Variants in FOXP2 observed in about 807,000 individuals in gnomAD.
FOXP2 encodes the protein forkhead box P2, also known as forkhead box protein P2.
In FOXP2, 12 loss-of-function variants were observed where a neutral mutation model predicts 115.8. The ratio of observed to expected loss-of-function variants is 0.10; its 90% CI spans 0.07 to 0.17. The LOEUF (loss-of-function observed/expected upper bound fraction) is 0.17. FOXP2 is among the 10% of genes least tolerant of loss of function. FOXP2 has a pLI of 1.00. For synonymous variants in FOXP2, 328 were observed against 297.7 expected (o/e 1.10, Z -1.05); for missense variants, 629 against 843.5 (o/e 0.75, Z 3.15).
chr7:114,094,744 C>T (rs938722841), intron 1 of FOXP2, among the ~76,000 whole-genome samples: 24 of 152,148 alleles, frequency 1.6e-4, no homozygotes, highest in Admixed American at 1.4e-3. Flanking sequence ...TCATGGTAAC[C>T]TCGCCCTCCT....
intron 1 of FOXP2, among the ~76,000 whole-genome samples, chr7:114,249,990 T>A (rs1443293281): frequency 2.3e-5 from 3 of 130,504 alleles, no homozygotes; most frequent in Admixed American, 8.4e-5. Flanking sequence ...GATGTTCCCC[T>A]TCCTGTGTCC....
chr7:114,519,307 C>A (rs1324653460), intron 2 of FOXP2, among the ~76,000 whole-genome samples: 2 of 152,094 alleles, frequency 1.3e-5, no homozygotes, highest in Non-Finnish European at 2.9e-5. Flanking sequence ...ACAGGAAGGT[C>A]CTGAGTGTGT....
At chr7:114,294,841 A>AAAATAAATAAATAAAT (rs201482409) in intron 2 of FOXP2, among the ~76,000 whole-genome samples, 11 of 139,942 alleles carry the variant, frequency 7.9e-5, no homozygotes, top group East Asian at 2.2e-4. Flanking sequence ...ACACTGCCTC[A>AAAATAAATAAATAAAT]AAATAAATAA....
rs540133281 is a variant in FOXP2, at chr7:114,484,742, T to C, written c.169-49875T>C. Among the ~76,000 whole-genome samples, 25 of 152,066 alleles carry C rather than the reference T, an allele frequency of 1.6e-4. No homozygotes were observed. The South Asian group carries it at 5.2e-3, about 32-fold the overall frequency. ...GTCATTAACCAACAGCCATCATAGA[T>C]AAGAATATTTTGTGCCTTTAAAATG... On this transcript the variant is annotated intron_variant, in intron 2 of 16. Transcript: ENST00000350908.
chr7:114,268,377 A>G (rs1795950878), intron 1 of FOXP2, among the ~76,000 whole-genome samples: 1 of 152,204 alleles, frequency 6.6e-6, no homozygotes, highest in Non-Finnish European at 1.5e-5. Context: ...CATACATAGG[A>G]TAATATTAGG....
intron 3 of FOXP2, among the ~76,000 whole-genome samples, chr7:114,567,450 A>C (rs542802403): frequency 6.6e-6 from 1 of 152,154 alleles, no homozygotes; most frequent in Non-Finnish European, 1.5e-5. Context: ...TCTTATGTTC[A>C]GCACTAAATG....
rs138409473 is a variant in FOXP2 at position 114,556,416 on chromosome 7, C to A, written c.258+21710C>A. Among the ~76,000 whole-genome samples the A allele has an allele frequency of 4.9e-3, 739 of 152,240 alleles. 4 individuals are homozygous for A. The highest frequency in any genetic ancestry group is 0.017 in the South Asian group (82 of 4,812). On this transcript the variant is annotated intron_variant, in intron 3 of 16. Coordinates refer to ENST00000350908, the MANE Select transcript of FOXP2 (RefSeq NM_014491.4). Reference sequence around the variant, plus strand: ...CCTGCAGGGATCAGAAAAGGAACTACCACATCCTCCAGTCCCTGCATACAT... The same window carrying A: ...CCTGCAGGGATCAGAAAAGGAACTAACACATCCTCCAGTCCCTGCATACAT...
intron 2 of FOXP2, among the ~76,000 whole-genome samples, chr7:114,505,088 C>A (rs1482511288): frequency 7.3e-5 from 11 of 151,692 alleles, no homozygotes; most frequent in Middle Eastern, 3.4e-3. Flanking sequence ...CTTCTCATTT[C>A]TCCATTTTCC....
chr7:114,398,081 A>G (rs1792788211), intron 2 of FOXP2, among the ~76,000 whole-genome samples: 1 of 152,154 alleles, frequency 6.6e-6, no homozygotes, highest in Non-Finnish European at 1.5e-5. Context: ...AGGAGTTATA[A>G]TGGATATAGA....
chr7:114,208,185 G>T (rs1584545762), intron 1 of FOXP2, among the ~76,000 whole-genome samples: 1 of 152,174 alleles, frequency 6.6e-6, no homozygotes, highest in Non-Finnish European at 1.5e-5. Context: ...GGGAAGAGCT[G>T]TCCAAGACCA....
At position 114,357,887 on chromosome 7, in the gene FOXP2, T is replaced by C. The variant is rs1326111387; in HGVS notation, c.-10-68615T>C. 2.6e-5 allele frequency among the ~76,000 whole-genome samples: 4 copies of C among 152,168 alleles called. No individual in the cohort carries two copies. In the East Asian group the frequency reaches 5.8e-4, roughly 22 times the overall value. ...TTGCCTTCAACCAATTTAGAGATTG[T>C]CATGTGACCCAATTTTGGTCAATAA... On this transcript the variant is annotated intron_variant, in intron 2 of 17. Coordinates refer to the FOXP2 transcript ENST00000634411.
intron 2 of FOXP2, chr7:114,463,201 G>C (rs763244394): frequency 8.8e-6 from 2 of 227,806 alleles, no homozygotes; most frequent in Non-Finnish European, 1.8e-5. Flanking sequence ...GCTCTTGCAT[G>C]TTTATTTATA....
At chr7:114,195,296 T>G (rs1293946638) in intron 1 of FOXP2, among the ~76,000 whole-genome samples, 2 of 152,222 alleles carry the variant, frequency 1.3e-5, no homozygotes, top group African/African-American at 4.8e-5. Context: ...AAATTCAGGT[T>G]TGACATTAGT....
At chr7:114,646,926 A>G (rs1245726422) in intron 8 of FOXP2, among the ~76,000 whole-genome samples, 1 of 152,008 alleles carries the variant, frequency 6.6e-6, no homozygotes, top group Non-Finnish European at 1.5e-5. Context: ...TTCCTTTGTA[A>G]TAATGGAGAA....
At chr7:114,449,370 A>G (rs1489007984) in intron 2 of FOXP2, among the ~76,000 whole-genome samples, 1 of 152,120 alleles carries the variant, frequency 6.6e-6, no homozygotes, top group African/African-American at 2.4e-5. Flanking sequence ...CTTTATTTCC[A>G]TAAATGCCAA....
intron 3 of FOXP2, chr7:114,570,858 G>A: frequency 1.2e-6 from 2 of 1,611,942 alleles, no homozygotes; most frequent in African/African-American, 2.7e-5. Context: ...TTCTGGTGAT[G>A]GGCATCCTCA....
intron 1 of FOXP2, chr7:114,419,862 T>A (rs930057105): frequency 3.9e-5 from 6 of 151,906 alleles, no homozygotes; most frequent in African/African-American, 1.4e-4. Context: ...AGGCTCATGT[T>A]GGACTTTTGC....
intron 3 of FOXP2, among the ~76,000 whole-genome samples, chr7:114,617,081 T>C (rs1458729270): frequency 6.6e-6 from 1 of 152,168 alleles, no homozygotes; most frequent in Non-Finnish European, 1.5e-5. Context: ...CGTGCGACTC[T>C]CTTTAAAAAT....
At chr7:114,329,065 T>C (rs1046172967) in intron 2 of FOXP2, among the ~76,000 whole-genome samples, 1 of 152,220 alleles carries the variant, frequency 6.6e-6, no homozygotes, top group African/African-American at 2.4e-5. Flanking sequence ...TTAAAAATCC[T>C]ACTGAACAAA....
Sources: allele counts gnomAD v4.1 joint callset (sites outside exome capture counted in the v4.1 genomes callset), GRCh38; gene constraint gnomAD v4.1.1; transcripts MANE v1.5; gene names NCBI Gene and HGNC (gene_info 2026-07-23, HGNC 2026-07-21).